KCNQ5: variants seen among roughly 807,000 people sequenced by gnomAD.
KCNQ5 encodes potassium voltage-gated channel subfamily Q member 5, also known as potassium voltage-gated channel subfamily KQT member 5.
In KCNQ5, 30 loss-of-function variants were observed where a neutral mutation model predicts 98.2. The ratio of observed to expected loss-of-function variants is 0.31; its 90% CI spans 0.23 to 0.41. The LOEUF is 0.41. Ranked by LOEUF, KCNQ5 falls within the 10% of genes least tolerant of loss-of-function variation. KCNQ5 has a pLI of 1.00. For missense variants in KCNQ5, 835 were observed against 1,182.5 expected, an observed-to-expected ratio of 0.71 and a Z score of 4.31; for synonymous variants, 458 against 449.4, an observed-to-expected ratio of 1.02 and a Z score of -0.24.
chr6:73,043,954 T>C (rs1443319866), intron 3 of KCNQ5, among the ~76,000 whole-genome samples: 2 of 152,194 alleles, frequency 1.3e-5, no homozygotes, highest in Non-Finnish European at 2.9e-5. Context: ...TTATCTATAA[T>C]CTTACTTGCC....
At chr6:73,088,724 T>A (rs1291377509) in intron 5 of KCNQ5, among the ~76,000 whole-genome samples, 1 of 152,244 alleles carries the variant, frequency 6.6e-6, no homozygotes, top group Middle Eastern at 3.2e-3. Flanking sequence ...TTTGCAAAAC[T>A]AAACTCTTCA....
chr6:72,669,576 T>G (rs1038446562), intron 1 of KCNQ5, among the ~76,000 whole-genome samples: 2 of 152,160 alleles, frequency 1.3e-5, no homozygotes, highest in Admixed American at 6.5e-5. Flanking sequence ...CCCTTGGGCC[T>G]GTGGTGGGAG....
intron 1 of KCNQ5, among the ~76,000 whole-genome samples, chr6:72,710,817 T>C (rs1769329309): frequency 6.6e-6 from 1 of 152,154 alleles, no homozygotes; most frequent in African/African-American, 2.4e-5. Context: ...AACATTGGAC[T>C]TGAATTATAC....
intron 1 of KCNQ5, among the ~76,000 whole-genome samples, chr6:72,763,615 C>T (rs946726119): frequency 1.3e-5 from 2 of 151,962 alleles, no homozygotes; most frequent in African/African-American, 2.4e-5. Context: ...GTTATGAGTA[C>T]AAAGGTGTTC....
intron 1 of KCNQ5, among the ~76,000 whole-genome samples, chr6:72,996,113 A>G (rs569940730): frequency 2.0e-5 from 3 of 152,356 alleles, no homozygotes; most frequent in Admixed American, 1.3e-4. Flanking sequence ...TTCCTGGTAC[A>G]ATGTCTGTAA....
chr6:73,002,969 A>G (rs1769653020), intron 1 of KCNQ5, among the ~76,000 whole-genome samples: 2 of 152,148 alleles, frequency 1.3e-5, no homozygotes. Context: ...CATCCAGAGG[A>G]GCATAGAAAC....
chr6:72,766,956 T>C (rs1772605304), intron 1 of KCNQ5, among the ~76,000 whole-genome samples: 2 of 151,534 alleles, frequency 1.3e-5, no homozygotes, highest in African/African-American at 2.4e-5. Flanking sequence ...ACCTAGAAAA[T>C]GAAGGTAGGT....
At chr6:72,895,824 C>A (rs1639337859) in intron 1 of KCNQ5, among the ~76,000 whole-genome samples, 1 of 151,772 alleles carries the variant, frequency 6.6e-6, no homozygotes, top group South Asian at 2.1e-4. Flanking sequence ...TTTTCTCTTA[C>A]ATCCAAAGTA....
At chr6:72,960,913 G>C (rs1767310774) in intron 1 of KCNQ5, among the ~76,000 whole-genome samples, 1 of 152,188 alleles carries the variant, frequency 6.6e-6, no homozygotes, top group Non-Finnish European at 1.5e-5. Flanking sequence ...AGGAATTCGA[G>C]GCTGCAGTGA....
chr6:73,137,287 G>A (rs375308039), intron 10 of KCNQ5, among the ~76,000 whole-genome samples: 11 of 152,088 alleles, frequency 7.2e-5, no homozygotes, highest in East Asian at 3.8e-4. Flanking sequence ...TAAAAAGGAC[G>A]CAGTTGTCTC....
At chr6:72,807,298 C>T (rs570232799) in intron 1 of KCNQ5, among the ~76,000 whole-genome samples, 2 of 151,868 alleles carry the variant, frequency 1.3e-5, no homozygotes, top group Non-Finnish European at 2.9e-5. Flanking sequence ...ACCATGTTTA[C>T]TTAGTATTTA....
chr6:73,137,094 T>C (rs1308017607), intron 10 of KCNQ5, among the ~76,000 whole-genome samples: 2 of 148,534 alleles, frequency 1.3e-5, no homozygotes, highest in African/African-American at 5.2e-5. Flanking sequence ...TGAAAGATAG[T>C]ATAATAGAGA....
chr6:72,972,360 C>CTT (rs11447499), intron 1 of KCNQ5, among the ~76,000 whole-genome samples: 79 of 151,000 alleles, frequency 5.2e-4, no homozygotes, highest in South Asian at 4.2e-4. Flanking sequence ...TGAGCTGCTT[C>CTT]TTTTTTTTTC....
chr6:72,914,434 A>G (rs1780053768), intron 1 of KCNQ5, among the ~76,000 whole-genome samples: 1 of 151,162 alleles, frequency 6.6e-6, no homozygotes, highest in South Asian at 2.1e-4. Context: ...ACTTTAGGGA[A>G]GAAATAACAA....
chr6:72,623,003 G>A (rs2098916221), intron 1 of KCNQ5, among the ~76,000 whole-genome samples: 1 of 152,144 alleles, frequency 6.6e-6, no homozygotes, highest in African/African-American at 2.4e-5. Flanking sequence ...GAGGTTAGGA[G>A]GTGATGGCGG....
At chr6:73,082,558 T>C (rs1236618630) in intron 5 of KCNQ5, among the ~76,000 whole-genome samples, 1 of 152,200 alleles carries the variant, frequency 6.6e-6, no homozygotes, top group Non-Finnish European at 1.5e-5. Context: ...GATGTAAAGA[T>C]CCATCTCTCT....
intron 12 of KCNQ5, 46 bp from the exon 13 acceptor site, chr6:73,192,519 T>A: frequency 6.5e-7 from 1 of 1,528,144 alleles, no homozygotes; most frequent in Non-Finnish European, 8.8e-7. Flanking sequence ...CCTAGGGCAA[T>A]CTCCACCTTC....
At chr6:73,106,336 G>A (rs1774999585) in intron 6 of KCNQ5, among the ~76,000 whole-genome samples, 1 of 152,074 alleles carries the variant, frequency 6.6e-6, no homozygotes, top group African/African-American at 2.4e-5. Flanking sequence ...CATATGCTTG[G>A]GTACTAGACC....
chr6:73,116,217 G>C (rs1775484645), intron 7 of KCNQ5, among the ~76,000 whole-genome samples: 1 of 152,142 alleles, frequency 6.6e-6, no homozygotes, highest in Non-Finnish European at 1.5e-5. Flanking sequence ...TAGTAACTTA[G>C]CTAAGAATTG....
Sources: allele counts gnomAD v4.1 joint callset (sites outside exome capture counted in the v4.1 genomes callset), GRCh38; gene constraint gnomAD v4.1.1; transcripts MANE v1.5; gene names NCBI Gene and HGNC (gene_info 2026-07-23, HGNC 2026-07-21).